The following AMZ2 variants were observed in gnomAD, a reference collection of about 807,000 sequenced individuals.
AMZ2 encodes archaemetzincin-2.
In AMZ2, 26 loss-of-function variants were observed where a neutral mutation model predicts 36.7. The ratio of observed to expected loss-of-function variants is 0.71; its 90% confidence interval spans 0.52 to 0.98. The LOEUF is 0.98. AMZ2 is among the 50% of genes least tolerant of loss of function. The pLI, the probability that AMZ2 is intolerant of heterozygous loss-of-function variation, is 0.00. For synonymous variants in AMZ2, 144 were observed against 149.1 expected (o/e 0.97, Z 0.25); for missense variants, 394 against 430.5 (o/e 0.92, Z 0.75).
At chr17:68,219,794 G>A (rs2073300159) in intron 1 of AMZ2, among the ~76,000 whole-genome samples, 2 of 150,872 alleles carry the variant, frequency 1.3e-5, no homozygotes, top group African/African-American at 2.4e-5. Context: ...TCAGTCTCCC[G>A]AAGTGCTGGG....
chr17:68,230,751 C>T (rs2073639481), intron 1 of AMZ2, among the ~76,000 whole-genome samples: 1 of 152,138 alleles, frequency 6.6e-6, no homozygotes, highest in African/African-American at 2.4e-5. Context: ...TGCTGCTTAC[C>T]CCTTCCTCAC....
chr17:68,243,043 CAAA>C (rs35857340), upstream of AMZ2, among the ~76,000 whole-genome samples: 8 of 105,066 alleles, frequency 7.6e-5, no homozygotes, highest in African/African-American at 6.8e-5. Flanking sequence ...GGCTCTGTCT[CAAA>C]AAAAAAAAAA....
chr17:68,223,641 G>T (rs573962686), intron 1 of AMZ2, among the ~76,000 whole-genome samples: 11 of 152,132 alleles, frequency 7.2e-5, no homozygotes, highest in African/African-American at 2.4e-4. Context: ...TCGGGTTCAA[G>T]TGATTCTCCT....
intron 1 of AMZ2, chr17:68,206,796 G>A (rs1683013816): frequency 6.6e-6 from 1 of 152,230 alleles, no homozygotes; most frequent in Non-Finnish European, 1.5e-5. Context: ...ATTGTGTTAA[G>A]GAAATGGATC....
chr17:68,212,126 T>A (rs2073083478), intron 1 of AMZ2, among the ~76,000 whole-genome samples: 1 of 152,206 alleles, frequency 6.6e-6, no homozygotes, highest in African/African-American at 2.4e-5. Context: ...ATCCCAGCAC[T>A]TTGGGAGGCC....
rs200439485 is a variant in AMZ2, at chr17:68,255,796, C to T, written c.847C>T (p.Arg283Trp). The change falls in exon 6 of 7, where the codon CGG (arginine) becomes TGG (tryptophan). Residue 283 changes from arginine to tryptophan, a missense_variant. Physicochemically the swap from Arg to Trp is moderately radical, Grantham distance 101. Transcript: ENST00000359904. ...CTCCAACCACTTGGAAGAAGCTGAC[C>T]GGCGCCCTCTAAACCTTTGCCCTAT... ...QGSNHLEEADRRPLNLCPICL... is the reference protein window; with the variant it reads ...QGSNHLEEADWRPLNLCPICL... 2.5e-5 allele frequency: 41 copies of T among 1,614,132 alleles called. No individual in the cohort carries two copies. In the East Asian group the frequency reaches 4.5e-4, roughly 18 times the overall value.
chr17:68,224,012 C>T (rs1184170514), intron 1 of AMZ2, among the ~76,000 whole-genome samples: 1 of 152,074 alleles, frequency 6.6e-6, no homozygotes, highest in Non-Finnish European at 1.5e-5. Context: ...GCCTCAGCCT[C>T]CCGAGTAGCT....
At chr17:68,250,657 C>G (rs1225259045) in intron 2 of AMZ2, 137 bp from the exon 3 acceptor site, 2 of 1,171,106 alleles carry the variant, frequency 1.7e-6, no homozygotes, top group Admixed American at 2.6e-5. Context: ...TGTTTCATAG[C>G]AACACCAATG....
At chr17:68,233,235 G>A (rs1350342413) in intron 1 of AMZ2, among the ~76,000 whole-genome samples, 1 of 152,192 alleles carries the variant, frequency 6.6e-6, no homozygotes, top group African/African-American at 2.4e-5. Flanking sequence ...CTGGCTGGGC[G>A]TGGTGGCTCA....
chr17:68,246,165 C>T (rs1412013545), upstream of AMZ2, among the ~76,000 whole-genome samples: 2 of 115,222 alleles, frequency 1.7e-5, no homozygotes, highest in Admixed American at 2.1e-4. Flanking sequence ...AATTGGCTAA[C>T]ATGACGAAAC....
At chr17:68,247,483 G>A (rs189402679), upstream of AMZ2, 1,041 of 300,990 alleles carry the variant, frequency 3.5e-3, 11 homozygotes, top group African/African-American at 0.021. Flanking sequence ...CCTCCCCTCA[G>A]CATCCGGGTT....
At chr17:68,247,716 C>G, upstream of AMZ2, 2 of 985,516 alleles carry the variant, frequency 2.0e-6, no homozygotes, top group Non-Finnish European at 2.4e-6. Flanking sequence ...CGCGGCCTGC[C>G]GAGGACGTTC....
intron 1 of AMZ2, among the ~76,000 whole-genome samples, chr17:68,233,734 T>A (rs182477428): frequency 0.06 from 9,092 of 152,036 alleles, 485 homozygotes; most frequent in Admixed American, 0.13. Flanking sequence ...TTATTTATTT[T>A]TTTTTGGGAC....
intron 1 of AMZ2, among the ~76,000 whole-genome samples, chr17:68,227,114 T>C (rs2144578118): frequency 6.6e-6 from 1 of 152,026 alleles, no homozygotes; most frequent in East Asian, 1.9e-4. Context: ...TAGGAATCTA[T>C]GTTCATAGCT....
chr17:68,228,092 T>A (rs143017808), intron 1 of AMZ2, among the ~76,000 whole-genome samples: 12,570 of 152,040 alleles, frequency 0.083, 714 homozygotes, highest in Non-Finnish European at 0.12. Flanking sequence ...CCTTGTCTCC[T>A]TCAAGCTCCC....
At chr17:68,244,701 G>A (rs1346134761), upstream of AMZ2, among the ~76,000 whole-genome samples, 1 of 152,206 alleles carries the variant, frequency 6.6e-6, no homozygotes, top group East Asian at 1.9e-4. Context: ...GTTAAGTACT[G>A]GGGAATCTGG....
intron 1 of AMZ2, chr17:68,249,810 G>C (rs797038615): frequency 4.7e-6 from 1 of 213,136 alleles, no homozygotes; most frequent in African/African-American, 2.4e-5. Context: ...CTATGCCCAG[G>C]GAATTTTTAA....
At position 68,248,046 on chromosome 17, in the gene AMZ2, G is replaced by T; in HGVS notation, c.-660G>T. 1 of 986,496 alleles carries T rather than the reference G, an allele frequency of 1.0e-6. No individual in the cohort carries two copies. Among genetic ancestry groups the T allele is most frequent in the Non-Finnish European group, 1.2e-6 (1 of 830,764 alleles). The allele number at this position is 986,496 out of a possible 1,614,324, so 61.1% of individuals were successfully genotyped here. A position where few individuals can be genotyped will look rare whatever the true frequency, so the allele number is the denominator to read the frequency against. ...GCCAGTGGGCGTGGCGTGGCGCAGT[G>T]CGAAGGGACGCGGTGCGCATGCGCG... is the stretch of plus-strand genomic sequence containing the variant. On this transcript the variant is annotated 5_prime_UTR_variant, in exon 1 of 7. Coordinates refer to ENST00000359904, the MANE Select transcript of AMZ2 (RefSeq NM_016627.5).
At chr17:68,209,137 T>C (rs1378834307) in intron 1 of AMZ2, among the ~76,000 whole-genome samples, 1 of 152,106 alleles carries the variant, frequency 6.6e-6, no homozygotes, top group Non-Finnish European at 1.5e-5. Context: ...CAGTGTCAGA[T>C]ATTTATGTCT....
Sources: gnomAD v4.1 joint callset for allele counts (sites outside exome capture counted in the v4.1 genomes callset) on GRCh38, gnomAD v4.1.1 for gene constraint, MANE v1.5 for transcripts, NCBI Gene and HGNC (gene_info 2026-07-23, HGNC 2026-07-21) for gene names.